LAMC2: variants seen among roughly 807,000 people sequenced by gnomAD.
LAMC2 encodes the protein laminin subunit gamma 2, also known as laminin subunit gamma-2.
A neutral mutation model predicts 140.2 loss-of-function variants in LAMC2; 97 were observed. The observed-to-expected ratio is 0.69, with a 90% CI of 0.59 to 0.82. The LOEUF is 0.82. Ranked by LOEUF, LAMC2 falls within the 40% of genes least tolerant of loss-of-function variation. The pLI, the probability that LAMC2 is intolerant of heterozygous loss-of-function variation, is 0.00. For missense variants in LAMC2, 1,402 were observed against 1,476.1 expected, an observed-to-expected ratio of 0.95 and a Z score of 0.82; for synonymous variants, 513 against 540.2, an observed-to-expected ratio of 0.95 and a Z score of 0.70.
chr1:183,252,408 CA>C, the LAMC2 span: 1 of 469,862 alleles, frequency 2.1e-6, no homozygotes, highest in Non-Finnish European at 3.9e-6. Flanking sequence ...CCCCGACTCC[CA>C]CCCCATTCCC....
chr1:183,232,664 C>G lies in LAMC2; in HGVS notation c.2027C>G (p.Ser676Cys), dbSNP rs753132122. ...TCTTTGCGTTCAGGTGCTAGCAGAT[C>G]CCTTGGTCTCCAGTTGGCCAAGGTG... ...DAQISEGASRSLGLQLAKVRS... is the reference protein window; with the variant it reads ...DAQISEGASRCLGLQLAKVRS... The change falls in exon 14 of 23, where the codon TCC becomes TGC. Residue 676 changes from serine to cysteine, a missense_variant. Physicochemically the swap from Ser to Cys is moderately radical, Grantham distance 112. Coordinates refer to ENST00000264144, the MANE Select transcript of LAMC2 (RefSeq NM_005562.3). The G allele has an allele frequency of 2.5e-6, 4 of 1,612,794 alleles. No individual in the cohort carries two copies. In the African/African-American group the frequency reaches 5.3e-5, roughly 22 times the overall value.
rs1400731318 is a variant in LAMC2, at chr1:183,231,529, A to T, written c.1857+426A>T. On this transcript the variant is annotated intron_variant, in intron 12 of 22. Coordinates refer to ENST00000264144, the MANE Select transcript of LAMC2 (RefSeq NM_005562.3). Reference sequence around the variant, plus strand: ...CTATAATATTTCACTTTCCAGCTCGATTTCTTTTCAACAGATGTCTTTGTA... The same window carrying T: ...CTATAATATTTCACTTTCCAGCTCGTTTTCTTTTCAACAGATGTCTTTGTA... 2.0e-5 allele frequency among the ~76,000 whole-genome samples: 3 copies of T among 152,328 alleles called. No homozygotes were observed. In the East Asian group the frequency reaches 5.8e-4, roughly 29 times the overall value.
chr1:183,228,829 G>A lies in LAMC2; in HGVS notation c.1714+210G>A, dbSNP rs1446963342. 6.6e-6 allele frequency among the ~76,000 whole-genome samples: 1 copy of A among 152,184 alleles called. No homozygotes were observed. Among genetic ancestry groups the A allele is most frequent in the Non-Finnish European group, 1.5e-5 (1 of 68,026 alleles). On this transcript the variant is annotated intron_variant, in intron 11 of 22. Coordinates refer to ENST00000264144, the MANE Select transcript of LAMC2 (RefSeq NM_005562.3). This position sits in a 1 kb window ranked among gnomAD's most constrained non-coding sequence, Gnocchi z 4.3. ...TAGCCAGGCTCTGGAAGACAGAGCT[G>A]GGTTAAAGCTGGGTGGGAGAAGTGA...
chr1:183,257,675 T>C, the LAMC2 span, among the ~76,000 whole-genome samples: 1 of 152,198 alleles, frequency 6.6e-6, no homozygotes, highest in Non-Finnish European at 1.5e-5. Context: ...TCATAATAAT[T>C]CCTTATGATC....
chr1:183,240,016 C>T (rs1446982678), intron 20 of LAMC2, 24 bp from the exon 21 acceptor site: 3 of 1,614,066 alleles, frequency 1.9e-6, no homozygotes, highest in African/African-American at 2.7e-5. Flanking sequence ...CTCCTTCCGT[C>T]CCTGGCTCCT....
chr1:183,215,403 T>G, intron 2 of LAMC2, 50 bp from the exon 3 acceptor site: 3 of 1,610,072 alleles, frequency 1.9e-6, no homozygotes, highest in Non-Finnish European at 2.5e-6. Context: ...GCCGCATACA[T>G]TAAAATATTT....
chr1:183,224,730 G>T (rs911282885), intron 7 of LAMC2, among the ~76,000 whole-genome samples: 1 of 150,874 alleles, frequency 6.6e-6, no homozygotes, highest in African/African-American at 2.4e-5. Flanking sequence ...TGGAATACTC[G>T]TTCCCACCTT....
chr1:183,198,486 A>G (rs1368873009), intron 1 of LAMC2, among the ~76,000 whole-genome samples: 1 of 152,152 alleles, frequency 6.6e-6, no homozygotes, highest in South Asian at 2.1e-4. Flanking sequence ...AATTCACGGG[A>G]GATTACAGGT....
chr1:183,240,488 G>A, intron 22 of LAMC2, 97 bp downstream of exon 22: 1 of 1,541,094 alleles, frequency 6.5e-7, no homozygotes, highest in Non-Finnish European at 8.7e-7. Flanking sequence ...GGGAGTCTCA[G>A]CTTTCCTTAA....
chr1:183,215,646 C>A, intron 3 of LAMC2, 58 bp downstream of exon 3: 3 of 1,599,444 alleles, frequency 1.9e-6, no homozygotes, highest in Non-Finnish European at 1.7e-6. Context: ...ATTATATAAA[C>A]CTTAGCAAAC....
chr1:183,215,928 C>A (rs1279813943), intron 3 of LAMC2, among the ~76,000 whole-genome samples: 1 of 152,186 alleles, frequency 6.6e-6, no homozygotes, highest in Admixed American at 6.5e-5. Context: ...AGGGAGGCAA[C>A]AAGTCCTTCA....
Position 183,245,069 on chromosome 1 carries a change from G to T in LAMC2, c.*1669G>T, listed in dbSNP as rs765257487. Among the ~76,000 whole-genome samples the T allele has an allele frequency of 6.6e-6, 1 of 152,154 alleles. No homozygotes were observed. Among genetic ancestry groups the T allele is most frequent in the Non-Finnish European group, 1.5e-5 (1 of 68,040 alleles). On this transcript the variant is annotated 3_prime_UTR_variant, in exon 23 of 23. Transcript: ENST00000264144. ...CCAACCATACAGGATTGATGATGCT[G>T]TCAATGAGATTTTTATGAGGTTTAA...
chr1:183,200,199 T>A (rs1658661970), intron 1 of LAMC2, among the ~76,000 whole-genome samples: 1 of 152,076 alleles, frequency 6.6e-6, no homozygotes, highest in Admixed American at 6.6e-5. Context: ...AAGACCAGCC[T>A]GGCCAACATA....
intron 18 of LAMC2, 115 bp from the exon 19 acceptor site, chr1:183,238,192 C>T: frequency 3.9e-6 from 3 of 771,590 alleles, no homozygotes; most frequent in South Asian, 1.4e-5. Context: ...GCTACAGCAC[C>T]CCTAGACTCT....
chr1:183,256,813 A>G, the LAMC2 span, among the ~76,000 whole-genome samples: 1 of 152,096 alleles, frequency 6.6e-6, no homozygotes, highest in African/African-American at 2.4e-5. Flanking sequence ...GCAGCAGCGC[A>G]TGATCTCAGT....
Position 183,232,868 on chromosome 1 carries a change from G to A in LAMC2, c.2220+11G>A. The A allele has an allele frequency of 6.2e-7, 1 of 1,613,692 alleles. No homozygotes were observed. Among genetic ancestry groups the A allele is most frequent in the Non-Finnish European group, 8.5e-7 (1 of 1,179,630 alleles). On this transcript the variant is annotated intron_variant, in intron 14 of 22. Transcript: ENST00000264144. The stretch of plus-strand genomic sequence containing the variant: ...TCCTTGGGAAACACTGTAGGTTTTT[G>A]CTGGGCTAGAGTATTGAGAATACTG...
intron 1 of LAMC2, among the ~76,000 whole-genome samples, chr1:183,200,523 C>A (rs1437515748): frequency 6.6e-6 from 1 of 152,136 alleles, no homozygotes; most frequent in African/African-American, 2.4e-5. Context: ...AAATGAGATC[C>A]CGATGAACTG....
At chr1:183,227,791 AT>A in intron 10 of LAMC2, 94 bp downstream of exon 10, 1 of 1,193,838 alleles carries the variant, frequency 8.4e-7, no homozygotes, top group South Asian at 1.3e-5. Flanking sequence ...TTCCTAGGAA[AT>A]TATAATGACT....
At chr1:183,226,520 C>T (rs1276127675) in intron 8 of LAMC2, among the ~76,000 whole-genome samples, 178 bp from the exon 9 acceptor site, 1 of 152,090 alleles carries the variant, frequency 6.6e-6, no homozygotes, top group Non-Finnish European at 1.5e-5. Flanking sequence ...GTTTTCTGAC[C>T]CCAGAGCCTG....
Sources: gnomAD v4.1 joint callset for allele counts (sites outside exome capture counted in the v4.1 genomes callset) on GRCh38, gnomAD v4.1.1 for gene constraint, Gnocchi (gnomAD v3.1) non-coding constraint, MANE v1.5 for transcripts, NCBI Gene and HGNC (gene_info 2026-07-23, HGNC 2026-07-21) for gene names.